The following RNF150 variants were observed in gnomAD, a reference collection of about 807,000 sequenced individuals.
RNF150 encodes ring finger protein 150.
RNF150 carries 24 observed loss-of-function variants against 39.3 expected under a neutral mutation model. The observed-to-expected ratio is 0.61, with a 90% CI of 0.44 to 0.86. The LOEUF is 0.86. Among genes scored for constraint, RNF150 ranks in the 40% least tolerant of loss-of-function variants. RNF150 has a pLI of 0.00. For missense variants in RNF150, 502 were observed against 587.8 expected (o/e 0.85, Z 1.51); for synonymous variants, 255 against 227.3 (o/e 1.12, Z -1.10).
intron 1 of RNF150, among the ~76,000 whole-genome samples, chr4:141,166,428 G>A (rs1263232765): frequency 6.6e-6 from 1 of 152,134 alleles, no homozygotes; most frequent in East Asian, 1.9e-4. Context: ...GGAAAAGAGG[G>A]ACTCCTCCCT....
chr4:141,110,563 G>A (rs1032783556), intron 1 of RNF150, among the ~76,000 whole-genome samples: 3 of 139,626 alleles, frequency 2.1e-5, no homozygotes. Context: ...ACAGGTCCAT[G>A]CCACCACACC....
intron 1 of RNF150, among the ~76,000 whole-genome samples, chr4:141,005,864 C>T (rs371487604): frequency 4.6e-5 from 6 of 131,258 alleles, no homozygotes; most frequent in South Asian, 4.8e-4. Flanking sequence ...GTCAGGAGAT[C>T]GAGACCATCC....
In RNF150 at chr4:141,075,736, T is replaced by C. The variant is rs369319476; in HGVS notation, c.484+56589A>G. Among the ~76,000 whole-genome samples the C allele has an allele frequency of 1.6e-4, 24 of 152,310 alleles. No homozygotes were observed. The South Asian group carries it at 2.3e-3, about 14-fold the overall frequency. Reference sequence around the variant, plus strand: ...TTTCCATTTCTTGTACTTACTAAAATTGCTGTGTCATTCTTTATTAATTTT... The same window carrying C: ...TTTCCATTTCTTGTACTTACTAAAACTGCTGTGTCATTCTTTATTAATTTT... On this transcript the variant is annotated intron_variant, in intron 1 of 6. Transcript: ENST00000515673.
chr4:141,201,138 T>C (rs1001913225), intron 1 of RNF150, among the ~76,000 whole-genome samples: 2 of 129,538 alleles, frequency 1.5e-5, no homozygotes, highest in Admixed American at 1.5e-4. Context: ...ATAACTAATA[T>C]GAGACATAGG....
chr4:141,168,322 T>C (rs745867407), intron 1 of RNF150, among the ~76,000 whole-genome samples: 6 of 152,072 alleles, frequency 3.9e-5, no homozygotes, highest in Admixed American at 2.6e-4. Context: ...TTTGGAGAAA[T>C]AGGAACGCTT....
intron 1 of RNF150, among the ~76,000 whole-genome samples, chr4:141,176,300 A>G (rs1727811413): frequency 6.6e-6 from 1 of 152,112 alleles, no homozygotes; most frequent in South Asian, 2.1e-4. Context: ...TCTTACTACT[A>G]TCACCTTGAG....
chr4:141,078,914 C>CACATATATAT (rs1344532094), intron 1 of RNF150, among the ~76,000 whole-genome samples: 3 of 143,024 alleles, frequency 2.1e-5, no homozygotes, highest in African/African-American at 8.4e-5. Flanking sequence ...TACATATATA[C>CACATATATAT]ACATATATAT....
At chr4:140,968,404 C>T (rs1733332287) in intron 1 of RNF150, among the ~76,000 whole-genome samples, 1 of 151,948 alleles carries the variant, frequency 6.6e-6, no homozygotes, top group Admixed American at 6.6e-5. Flanking sequence ...ATAGTGAGTA[C>T]TCAAGCAACC....
At chr4:141,163,941 A>T (rs796598999) in intron 1 of RNF150, among the ~76,000 whole-genome samples, 4 of 152,250 alleles carry the variant, frequency 2.6e-5, no homozygotes, top group African/African-American at 9.6e-5. Flanking sequence ...ACAAAACTGG[A>T]TGGAGAATGA....
intron 4 of RNF150, among the ~76,000 whole-genome samples, chr4:140,941,224 A>G (rs1732071028): frequency 6.6e-6 from 1 of 152,196 alleles, no homozygotes; most frequent in South Asian, 2.1e-4. Context: ...CAATATAAAA[A>G]CATTCCCCTT....
intron 1 of RNF150, among the ~76,000 whole-genome samples, chr4:141,016,120 T>A (rs1290618111): frequency 7.9e-5 from 12 of 152,212 alleles, no homozygotes; most frequent in Non-Finnish European, 2.9e-5. Flanking sequence ...TTCTTATCCC[T>A]TTAGTCCATT....
At chr4:140,905,549 G>C (rs1730340618) in intron 6 of RNF150, among the ~76,000 whole-genome samples, 1 of 152,156 alleles carries the variant, frequency 6.6e-6, no homozygotes, top group African/African-American at 2.4e-5. Flanking sequence ...TGGAAAAGAA[G>C]GGGAAGAAGA....
At chr4:141,188,342 G>C (rs1243750527) in intron 1 of RNF150, among the ~76,000 whole-genome samples, 1 of 152,094 alleles carries the variant, frequency 6.6e-6, no homozygotes, top group South Asian at 2.1e-4. Context: ...TGTTCTTCTT[G>C]AGGAGTATCT....
intron 1 of RNF150, among the ~76,000 whole-genome samples, chr4:141,010,670 G>GGGACTGCGTGAGGGA (rs1309281466): frequency 6.6e-6 from 1 of 152,096 alleles, no homozygotes; most frequent in African/African-American, 2.4e-5. Context: ...GACTGCGTGA[G>GGGACTGCGTGAGGGA]CATGTGTGGA....
rs1726914201 is a variant in RNF150, at chr4:141,132,282, G to A, written c.484+43C>T. ...GCGCTGGATCCCTCTAGGCACCTCC[G>A]TCCCCGCCGGCTCCCCTCCCCCGCG... On this transcript the variant is annotated intron_variant, in intron 1 of 6. Transcript: ENST00000515673. This position sits in a 1 kb window ranked among gnomAD's most constrained non-coding sequence, Gnocchi z 4.9. The A allele has an allele frequency of 1.3e-6, 2 of 1,549,456 alleles. No homozygotes were observed. The highest frequency in any genetic ancestry group is 1.4e-5 in the African/African-American group (1 of 73,242).
intron 1 of RNF150, among the ~76,000 whole-genome samples, chr4:141,118,990 A>T (rs1444212117): frequency 6.6e-6 from 1 of 151,978 alleles, no homozygotes; most frequent in East Asian, 1.9e-4. Context: ...CAAACTCCTG[A>T]CCTCAGGTGA....
Position 140,864,940 on chromosome 4 carries a change from C to T in RNF150, c.*3321G>A, listed in dbSNP as rs1463574979. On this transcript the variant is annotated 3_prime_UTR_variant, in exon 7 of 7. Transcript: ENST00000515673. ...CTTTATTCACTACAAAATAAATGGA[C>T]CTCTGGGCCTCTCATTAGGCGACTT... 1 of 152,128 alleles carries T rather than the reference C, an allele frequency of 6.6e-6. No homozygotes were observed. The highest frequency in any genetic ancestry group is 1.5e-5 in the Non-Finnish European group (1 of 68,034). 9.4% of individuals were successfully genotyped at this position (152,128 alleles called of 1,614,324 possible).
chr4:141,012,290 G>C (rs752176262), intron 1 of RNF150, among the ~76,000 whole-genome samples: 21 of 152,176 alleles, frequency 1.4e-4, no homozygotes, highest in Non-Finnish European at 2.2e-4. Context: ...GGTCCTGACC[G>C]GGCTGGGTTA....
At position 140,904,811 on chromosome 4, in the gene RNF150, A is replaced by G. The variant is rs181822803; in HGVS notation, c.1198+6333T>C. On this transcript the variant is annotated intron_variant, in intron 6 of 6. Coordinates refer to ENST00000515673, the MANE Select transcript of RNF150 (RefSeq NM_020724.2). ...TTCCTGTTCGGGGTGTGGTCAGAGC[A>G]GGTCTACAGGCATTTACAAGTTTTA... Among the ~76,000 whole-genome samples, 9 of 152,348 alleles carry G rather than the reference A, an allele frequency of 5.9e-5. No individual in the cohort carries two copies. In the East Asian group the frequency reaches 1.7e-3, roughly 29 times the overall value.
Sources: allele counts gnomAD v4.1 joint callset (sites outside exome capture counted in the v4.1 genomes callset), GRCh38; gene constraint gnomAD v4.1.1; non-coding constraint Gnocchi (gnomAD v3.1); transcripts MANE v1.5; gene names NCBI Gene and HGNC (gene_info 2026-07-23, HGNC 2026-07-21).